CALD1: variants seen among roughly 807,000 people sequenced by gnomAD.
CALD1 encodes caldesmon 1.
In CALD1, 33 loss-of-function variants were observed where a neutral mutation model predicts 99.9. That is an observed-to-expected ratio of 0.33 (90% CI 0.25 to 0.44). The LOEUF (loss-of-function observed/expected upper bound fraction) is 0.44. Ranked by LOEUF, CALD1 falls within the 20% of genes least tolerant of loss-of-function variation. The probability of loss-of-function intolerance (pLI) is 1.00; values close to 1 mark genes in which losing one functional copy is unlikely to be tolerated. For missense variants in CALD1, 861 were observed against 962.1 expected (o/e 0.89, Z 1.39); for synonymous variants, 310 against 325.0 (o/e 0.95, Z 0.50).
chr7:134,962,013 G>C (rs1435075636), intron 13 of CALD1: 1 of 152,050 alleles, frequency 6.6e-6, no homozygotes, highest in Non-Finnish European at 1.5e-5. Flanking sequence ...GCAGTCTATG[G>C]ACCTACTGAG....
chr7:134,764,070 A>G (rs1427253787), intron 1 of CALD1, among the ~76,000 whole-genome samples: 5 of 152,190 alleles, frequency 3.3e-5, no homozygotes, highest in Admixed American at 3.3e-4. Context: ...AAGTGTCCCC[A>G]AAGTCCATAC....
chr7:134,880,682 T>G (rs1239458989), intron 3 of CALD1, among the ~76,000 whole-genome samples: 1 of 152,100 alleles, frequency 6.6e-6, no homozygotes, highest in Non-Finnish European at 1.5e-5. Flanking sequence ...TGTCCTTTGA[T>G]GAAGAAGATG....
intron 1 of CALD1, among the ~76,000 whole-genome samples, chr7:134,808,181 G>A (rs1299201569): frequency 6.6e-6 from 1 of 150,962 alleles, no homozygotes; most frequent in Non-Finnish European, 1.5e-5. Context: ...TTTCACTGCA[G>A]CTCCCAACTC....
intron 6 of CALD1, among the ~76,000 whole-genome samples, chr7:134,938,891 T>C (rs1289381859): frequency 2.0e-5 from 3 of 152,172 alleles, no homozygotes; most frequent in Non-Finnish European, 2.9e-5. Flanking sequence ...TTGGGACCAG[T>C]AAATCAGATA....
intron 3 of CALD1, among the ~76,000 whole-genome samples, chr7:134,893,587 T>C (rs914510153): frequency 6.6e-6 from 1 of 152,304 alleles, no homozygotes; most frequent in African/African-American, 2.4e-5. Flanking sequence ...TGACTCATTC[T>C]ATTCCCTACA....
At chr7:134,846,392 A>G (rs1799854929) in intron 2 of CALD1, among the ~76,000 whole-genome samples, 1 of 152,090 alleles carries the variant, frequency 6.6e-6, no homozygotes, top group Non-Finnish European at 1.5e-5. Context: ...CAGACCAGAG[A>G]GTGGAGGGGC....
At chr7:134,819,709 C>T (rs1377503137) in intron 1 of CALD1, among the ~76,000 whole-genome samples, 2 of 152,168 alleles carry the variant, frequency 1.3e-5, no homozygotes, top group East Asian at 1.9e-4. Context: ...GATGACTATA[C>T]GTAAACCCTC....
intron 3 of CALD1, among the ~76,000 whole-genome samples, chr7:134,872,548 C>T (rs1478712617): frequency 6.6e-6 from 1 of 152,006 alleles, no homozygotes; most frequent in African/African-American, 2.4e-5. Context: ...AATACAGATG[C>T]TGAATACCTA....
chr7:134,933,630 GAT>G lies in CALD1; in HGVS notation c.863_864del (p.Ile288SerfsTer3). ...GAATTAAAGCCGAGCAAGACAAAAA[GAT>G]AGCAGATGAACGAGCAAGAATTGAA... ...ERIKAEQDKK[I>X]ADERARIEAE... On this transcript the variant is annotated frameshift_variant, in exon 5 of 15. Transcript: ENST00000361675. LOFTEE classifies it high-confidence loss of function. 1 of 1,610,916 alleles carries G rather than the reference GAT, an allele frequency of 6.2e-7. No individual in the cohort carries two copies. The highest frequency in any genetic ancestry group is 8.5e-7 in the Non-Finnish European group (1 of 1,178,496).
At chr7:134,777,817 A>G (rs1242521703), upstream of CALD1, among the ~76,000 whole-genome samples, 2 of 152,190 alleles carry the variant, frequency 1.3e-5, no homozygotes, top group Non-Finnish European at 2.9e-5. Context: ...GCAGTTTACC[A>G]GACTATGTAG....
chr7:134,763,173 C>T (rs947829250), intron 1 of CALD1, among the ~76,000 whole-genome samples: 1 of 152,106 alleles, frequency 6.6e-6, no homozygotes, highest in African/African-American at 2.4e-5. Flanking sequence ...AAAAACTTCC[C>T]AGAAATTAAC....
At chr7:134,770,553 C>T (rs938685523) in intron 1 of CALD1, among the ~76,000 whole-genome samples, 1 of 152,112 alleles carries the variant, frequency 6.6e-6, no homozygotes, top group Non-Finnish European at 1.5e-5. Flanking sequence ...GTATTCACCC[C>T]CTCTTCTCCT....
At chr7:134,755,374 G>A (rs1038712158) in intron 1 of CALD1, among the ~76,000 whole-genome samples, 9 of 152,108 alleles carry the variant, frequency 5.9e-5, no homozygotes, top group Non-Finnish European at 1.0e-4. Context: ...CATTACTGGC[G>A]TGGTGAAAAT....
At chr7:134,907,753 C>G (rs1332445544) in intron 3 of CALD1, among the ~76,000 whole-genome samples, 5 of 151,952 alleles carry the variant, frequency 3.3e-5, no homozygotes, top group Non-Finnish European at 5.9e-5. Flanking sequence ...TTTTCCAGTC[C>G]CCCCCCGCCT....
intron 1 of CALD1, among the ~76,000 whole-genome samples, chr7:134,807,178 T>C (rs1160345197): frequency 6.6e-6 from 1 of 152,178 alleles, no homozygotes; most frequent in Non-Finnish European, 1.5e-5. Context: ...AAATGAGTCT[T>C]GTAATGGGAA....
At chr7:134,953,684 G>A (rs1272440538) in intron 9 of CALD1, among the ~76,000 whole-genome samples, 1 of 132,350 alleles carries the variant, frequency 7.6e-6, no homozygotes, top group Non-Finnish European at 1.6e-5. Flanking sequence ...TTTTTTTCAG[G>A]AGAAACTACA....
At chr7:134,967,076 T>C (rs772284353) in intron 14 of CALD1, among the ~76,000 whole-genome samples, 1 of 152,084 alleles carries the variant, frequency 6.6e-6, no homozygotes, top group Non-Finnish European at 1.5e-5. Context: ...TCATCACCAG[T>C]ATAACGGAGT....
chr7:134,851,140 G>T (rs1047297128), intron 2 of CALD1, among the ~76,000 whole-genome samples: 7 of 152,108 alleles, frequency 4.6e-5, no homozygotes, highest in Non-Finnish European at 8.8e-5. Context: ...GAGTCTGAAT[G>T]CTCATAGGGA....
At chr7:134,727,040 A>G in the CALD1 span, among the ~76,000 whole-genome samples, 1 of 152,210 alleles carries the variant, frequency 6.6e-6, no homozygotes, top group Non-Finnish European at 1.5e-5. Flanking sequence ...TCTGCCAGGA[A>G]GAGCTCAGTC....
Sources: allele counts gnomAD v4.1 joint callset (sites outside exome capture counted in the v4.1 genomes callset), GRCh38; gene constraint gnomAD v4.1.1; transcripts MANE v1.5; gene names NCBI Gene and HGNC (gene_info 2026-07-23, HGNC 2026-07-21).